Variants in YWHAG observed in about 807,000 individuals in gnomAD.
YWHAG encodes tyrosine 3-monooxygenase/tryptophan 5-monooxygenase activation protein gamma, also known as 14-3-3 protein gamma.
Under a neutral mutation model 23.3 loss-of-function variants are expected in YWHAG, and 1 was observed. The ratio of observed to expected loss-of-function variants is 0.04; its 90% CI spans 0.02 to 0.20. The LOEUF (loss-of-function observed/expected upper bound fraction) is 0.20. Ranked by LOEUF, YWHAG falls within the 10% of genes least tolerant of loss-of-function variation. YWHAG has a pLI of 1.00. For synonymous variants in YWHAG, 160 were observed against 144.0 expected (o/e 1.11, Z -0.80); for missense variants, 151 against 338.6 (o/e 0.45, Z 4.35).
chr7:76,332,758 G>A (rs1803563384), intron 1 of YWHAG, among the ~76,000 whole-genome samples: 1 of 149,990 alleles, frequency 6.7e-6, no homozygotes, highest in South Asian at 2.1e-4. Flanking sequence ...CCAGGCTGGA[G>A]TGCAATGGCA....
chr7:76,353,604 C>T (rs1803905846), intron 1 of YWHAG, among the ~76,000 whole-genome samples: 1 of 152,110 alleles, frequency 6.6e-6, no homozygotes, highest in South Asian at 2.1e-4. Context: ...TTCAAGATTT[C>T]TACAAATGAC....
chr7:76,336,918 G>A (rs1022907178), intron 1 of YWHAG, among the ~76,000 whole-genome samples: 18 of 152,206 alleles, frequency 1.2e-4, no homozygotes, highest in Non-Finnish European at 1.5e-5. Flanking sequence ...GAAAGAATGA[G>A]ATGACCAAGT....
chr7:76,345,710 A>C (rs897691628), intron 1 of YWHAG, among the ~76,000 whole-genome samples: 3 of 152,012 alleles, frequency 2.0e-5, no homozygotes, highest in African/African-American at 7.2e-5. Context: ...TGGGAGGCCG[A>C]AGTGGCCGGA....
At chr7:76,340,993 C>T (rs1040601273) in intron 1 of YWHAG, among the ~76,000 whole-genome samples, 2 of 152,192 alleles carry the variant, frequency 1.3e-5, no homozygotes, top group Non-Finnish European at 2.9e-5. Flanking sequence ...CTGAGCCTAG[C>T]CTCCCAAGTA....
Position 76,330,244 on chromosome 7 carries a change from G to C in YWHAG, c.88-11C>G. 1.2e-6 allele frequency: 2 copies of C among 1,607,300 alleles called. No homozygotes were observed. The highest frequency in any genetic ancestry group is 1.7e-6 in the Non-Finnish European group (2 of 1,178,640). On this transcript the variant is annotated splice_polypyrimidine_tract_variant and intron_variant, in intron 1 of 1. Transcript: ENST00000307630. ...ATTCAGCTCTGTCACCTGCCAGGAG[G>C]AAAGAACAGAGTTGTTATGGTACAG... is the stretch of plus-strand genomic sequence containing the variant.
At chr7:76,332,787 A>G (rs954314336) in intron 1 of YWHAG, among the ~76,000 whole-genome samples, 2 of 149,792 alleles carry the variant, frequency 1.3e-5, no homozygotes, top group African/African-American at 4.9e-5. Context: ...GCTCACTGCA[A>G]CCTCCCCCCA....
At chr7:76,332,368 G>A (rs529171204) in intron 1 of YWHAG, among the ~76,000 whole-genome samples, 3 of 152,254 alleles carry the variant, frequency 2.0e-5, no homozygotes, top group East Asian at 3.9e-4. Flanking sequence ...CACAAATAAC[G>A]GAAGATTGGG....
intron 1 of YWHAG, among the ~76,000 whole-genome samples, chr7:76,350,460 A>G (rs1277394683): frequency 1.3e-5 from 2 of 152,200 alleles, no homozygotes; most frequent in Admixed American, 6.5e-5. Context: ...ATACTCCTCC[A>G]TGTACAACTC....
At chr7:76,347,141 C>A (rs998873912) in intron 1 of YWHAG, among the ~76,000 whole-genome samples, 9 of 152,184 alleles carry the variant, frequency 5.9e-5, no homozygotes, top group African/African-American at 2.2e-4. Flanking sequence ...AGTAGCACAG[C>A]ACCCTAGGCT....
At chr7:76,333,391 T>C (rs1424167889) in intron 1 of YWHAG, among the ~76,000 whole-genome samples, 2 of 152,216 alleles carry the variant, frequency 1.3e-5, no homozygotes, top group East Asian at 1.9e-4. Context: ...GTGACAGCCA[T>C]TGTGCCCAGC....
At chr7:76,355,215 G>A (rs917424) in intron 1 of YWHAG, among the ~76,000 whole-genome samples, 31,195 of 152,076 alleles carry the variant, frequency 0.21, 3,432 homozygotes, top group East Asian at 0.33. Context: ...GTTATGTTAC[G>A]CAACTTTTAC....
intron 1 of YWHAG, among the ~76,000 whole-genome samples, chr7:76,357,473 T>A (rs73140069): frequency 0.3 from 45,539 of 152,068 alleles, 7,005 homozygotes; most frequent in East Asian, 0.44. Flanking sequence ...CTACCTTTCA[T>A]TTCATAATGC....
At chr7:76,341,211 G>A (rs1198718944) in intron 1 of YWHAG, among the ~76,000 whole-genome samples, 3 of 152,010 alleles carry the variant, frequency 2.0e-5, no homozygotes, top group African/African-American at 4.8e-5. Flanking sequence ...TGGGCAACAT[G>A]GTGAAACCCC....
At chr7:76,342,393 C>T (rs1266040879) in intron 1 of YWHAG, among the ~76,000 whole-genome samples, 1 of 152,200 alleles carries the variant, frequency 6.6e-6, no homozygotes, top group Non-Finnish European at 1.5e-5. Flanking sequence ...ACAAACCCTG[C>T]TGGGTGAAGG....
chr7:76,330,938 C>G (rs1464972084), intron 1 of YWHAG, among the ~76,000 whole-genome samples: 1 of 152,156 alleles, frequency 6.6e-6, no homozygotes, highest in Non-Finnish European at 1.5e-5. Context: ...GCCCTCATCA[C>G]CCCCAAGGCT....
At chr7:76,338,716 G>A (rs942584052) in intron 1 of YWHAG, among the ~76,000 whole-genome samples, 5 of 152,098 alleles carry the variant, frequency 3.3e-5, no homozygotes, top group Admixed American at 6.6e-5. Context: ...AAAAAGGAAC[G>A]GAGAAAAGGA....
At chr7:76,334,410 A>T (rs1341017550) in intron 1 of YWHAG, among the ~76,000 whole-genome samples, 1 of 152,194 alleles carries the variant, frequency 6.6e-6, no homozygotes. Context: ...AACATTTTTC[A>T]AAACAGTCAT....
Position 76,329,515 on chromosome 7 carries a change from A to AAAT in YWHAG, c.*61_*62insATT. On this transcript the variant is annotated 3_prime_UTR_variant, in exon 2 of 2. Coordinates refer to ENST00000307630, the MANE Select transcript of YWHAG (RefSeq NM_012479.4). The surrounding 1 kb of genome is among the most constrained non-coding windows in gnomAD (Gnocchi z 6.1). The stretch of plus-strand genomic sequence containing the variant: ...CCCTCCCCCACCCGACCCCCAACTC[A>AAAT]TGGGAAAAAAATAAAGACTGCAGTA... 7.8e-7 allele frequency: 1 copy of AAAT among 1,275,288 alleles called. No homozygotes were observed. The highest frequency in any genetic ancestry group is 1.0e-6 in the Non-Finnish European group (1 of 960,914). 79.0% of individuals were successfully genotyped at this position (1,275,288 alleles called of 1,614,324 possible).
chr7:76,339,010 T>C (rs973623856), intron 1 of YWHAG, among the ~76,000 whole-genome samples: 4 of 152,232 alleles, frequency 2.6e-5, no homozygotes, highest in African/African-American at 9.6e-5. Flanking sequence ...CTCCACAATT[T>C]ACCCTGTTAT....
Sources: allele counts gnomAD v4.1 joint callset (sites outside exome capture counted in the v4.1 genomes callset), GRCh38; gene constraint gnomAD v4.1.1; non-coding constraint Gnocchi (gnomAD v3.1); transcripts MANE v1.5; gene names NCBI Gene and HGNC (gene_info 2026-07-23, HGNC 2026-07-21).